TPD52L1: variants seen among roughly 807,000 people sequenced by gnomAD.
TPD52L1 encodes tumor protein D53.
A neutral mutation model predicts 28.7 loss-of-function variants in TPD52L1; 18 were observed. The ratio of observed to expected loss-of-function variants is 0.63; its 90% confidence interval spans 0.43 to 0.93. TPD52L1 has a LOEUF of 0.93. Ranked by LOEUF, TPD52L1 falls within the 40% of genes least tolerant of loss-of-function variation. The pLI is 0.00. For synonymous variants in TPD52L1, 75 were observed against 88.8 expected (o/e 0.84, Z 0.88); for missense variants, 203 against 254.8 (o/e 0.80, Z 1.39).
intron 1 of TPD52L1, among the ~76,000 whole-genome samples, chr6:125,204,795 T>C (rs1052205147): frequency 6.6e-6 from 1 of 152,202 alleles, no homozygotes; most frequent in South Asian, 2.1e-4. Flanking sequence ...ATTTAATTTA[T>C]AGGCATTTGA....
At chr6:125,178,670 T>C (rs906978942) in intron 1 of TPD52L1, among the ~76,000 whole-genome samples, 1 of 151,284 alleles carries the variant, frequency 6.6e-6, no homozygotes, top group African/African-American at 2.4e-5. Flanking sequence ...TATATATATA[T>C]ATATATTTGG....
chr6:125,262,980 C>T lies in TPD52L1; in HGVS notation c.*18C>T. The T allele has an allele frequency of 1.2e-6, 2 of 1,607,558 alleles. No individual in the cohort carries two copies. The highest frequency in any genetic ancestry group is 1.7e-6 in the Non-Finnish European group (2 of 1,177,344). On this transcript the variant is annotated 3_prime_UTR_variant, in exon 7 of 7. Coordinates refer to ENST00000534000, the MANE Select transcript of TPD52L1 (RefSeq NM_003287.4). ...AGTGCTAAGTCCAGCCAGCGTGCAG[C>T]TGCATCCAGAAACCGGCCACTACCC...
At chr6:125,162,964 A>G (rs1004781769) in intron 1 of TPD52L1, among the ~76,000 whole-genome samples, 1 of 152,230 alleles carries the variant, frequency 6.6e-6, no homozygotes, top group Non-Finnish European at 1.5e-5. Flanking sequence ...TTAAATGAAG[A>G]AGACAGGATT....
intron 1 of TPD52L1, among the ~76,000 whole-genome samples, chr6:125,190,300 T>G (rs1010644115): frequency 1.3e-5 from 2 of 152,164 alleles, no homozygotes; most frequent in Admixed American, 6.5e-5. Context: ...TGGTCCATTT[T>G]CTGTTAGGTT....
At chr6:125,230,763 C>T (rs1795900665) in intron 3 of TPD52L1, among the ~76,000 whole-genome samples, 1 of 152,156 alleles carries the variant, frequency 6.6e-6, no homozygotes, top group Admixed American at 6.5e-5. Context: ...TCCTATTGGG[C>T]TCTATGCTTG....
At chr6:125,168,325 C>T (rs1791041056) in intron 1 of TPD52L1, among the ~76,000 whole-genome samples, 1 of 152,118 alleles carries the variant, frequency 6.6e-6, no homozygotes, top group Non-Finnish European at 1.5e-5. Context: ...TCAGTAACCT[C>T]TCCCCTCAGA....
At chr6:125,235,095 A>AAATAATAAT (rs1475867858) in intron 3 of TPD52L1, among the ~76,000 whole-genome samples, 6 of 64,890 alleles carry the variant, frequency 9.2e-5, no homozygotes, top group African/African-American at 3.7e-4. Flanking sequence ...CCCTGTCTAC[A>AAATAATAAT]AATAACAATA....
At chr6:125,209,885 A>C (rs573809563) in intron 1 of TPD52L1, among the ~76,000 whole-genome samples, 1 of 152,330 alleles carries the variant, frequency 6.6e-6, no homozygotes, top group Admixed American at 6.5e-5. Flanking sequence ...GGCAACAAAT[A>C]ATTTATTGAA....
At chr6:125,218,737 A>C (rs948712883) in intron 1 of TPD52L1, among the ~76,000 whole-genome samples, 6 of 152,198 alleles carry the variant, frequency 3.9e-5, no homozygotes, top group African/African-American at 1.4e-4. Flanking sequence ...AAAGGTGTCC[A>C]ATGTGTTTTT....
At chr6:125,178,646 A>G (rs573407655) in intron 1 of TPD52L1, among the ~76,000 whole-genome samples, 7 of 146,450 alleles carry the variant, frequency 4.8e-5, no homozygotes, top group African/African-American at 1.5e-4. Flanking sequence ...AAAACAAAAC[A>G]AAACAAAACA....
chr6:125,220,749 G>C (rs1795180164), intron 2 of TPD52L1, among the ~76,000 whole-genome samples: 1 of 152,190 alleles, frequency 6.6e-6, no homozygotes, highest in African/African-American at 2.4e-5. Flanking sequence ...GCTGCTGTGG[G>C]GATCCGGACC....
chr6:125,228,707 A>G (rs1336876554), intron 2 of TPD52L1, among the ~76,000 whole-genome samples: 2 of 152,184 alleles, frequency 1.3e-5, no homozygotes, highest in African/African-American at 4.8e-5. Flanking sequence ...GCACTTGAGA[A>G]GAAGTTATAT....
intron 1 of TPD52L1, among the ~76,000 whole-genome samples, chr6:125,163,887 A>G (rs1582833785): frequency 6.7e-6 from 1 of 149,856 alleles, no homozygotes; most frequent in South Asian, 2.1e-4. Flanking sequence ...ATTACACTCC[A>G]GCCTGGGTGA....
At chr6:125,239,635 C>T (rs1436021952) in intron 3 of TPD52L1, among the ~76,000 whole-genome samples, 1 of 152,070 alleles carries the variant, frequency 6.6e-6, no homozygotes, top group Non-Finnish European at 1.5e-5. Context: ...TGGGTGGGGA[C>T]CCAGGCAAAC....
chr6:125,210,741 G>A (rs1044223396), intron 1 of TPD52L1, among the ~76,000 whole-genome samples: 8 of 152,178 alleles, frequency 5.3e-5, no homozygotes, highest in African/African-American at 1.7e-4. Flanking sequence ...GGGAGCTAAT[G>A]TGCTAACTGA....
intron 4 of TPD52L1, among the ~76,000 whole-genome samples, chr6:125,251,382 A>G (rs1437963852): frequency 6.6e-6 from 1 of 152,144 alleles, no homozygotes; most frequent in Non-Finnish European, 1.5e-5. Context: ...AGTACCTCTC[A>G]GTTTTTCTTT....
In TPD52L1 at chr6:125,227,347, T is replaced by C. The variant is rs529995998; in HGVS notation, c.136-1771T>C. 2.0e-5 allele frequency among the ~76,000 whole-genome samples: 3 copies of C among 152,334 alleles called. No homozygotes were observed. In the East Asian group the frequency reaches 5.8e-4, roughly 29 times the overall value. ...GCTAGTGAAAGACTGGGGGGTTTTA[T>C]TGCATGTTTTGCTTTTGCAAAGGCA... On this transcript the variant is annotated intron_variant, in intron 2 of 6. Coordinates refer to ENST00000534000, the MANE Select transcript of TPD52L1 (RefSeq NM_003287.4).
chr6:125,259,787 C>T (rs766999882), intron 6 of TPD52L1, among the ~76,000 whole-genome samples: 6 of 152,140 alleles, frequency 3.9e-5, no homozygotes, highest in East Asian at 3.8e-4. Flanking sequence ...CCCAACTCAG[C>T]GATTCAAATG....
chr6:125,177,374 T>C (rs1791888773), intron 1 of TPD52L1, among the ~76,000 whole-genome samples: 1 of 152,194 alleles, frequency 6.6e-6, no homozygotes, highest in Non-Finnish European at 1.5e-5. Context: ...CCTCCTTTTT[T>C]TTCTCAACTC....
Sources: gnomAD v4.1 joint callset for allele counts (sites outside exome capture counted in the v4.1 genomes callset) on GRCh38, gnomAD v4.1.1 for gene constraint, MANE v1.5 for transcripts, NCBI Gene and HGNC (gene_info 2026-07-23, HGNC 2026-07-21) for gene names.